SMIM36: variants seen among roughly 807,000 people sequenced by gnomAD.
SMIM36 encodes small integral membrane protein 36.
intron 4 of SMIM36, among the ~76,000 whole-genome samples, chr17:55,466,849 T>C (rs969602971): frequency 6.6e-6 from 1 of 152,252 alleles, no homozygotes; most frequent in Non-Finnish European, 1.5e-5. Flanking sequence ...CAAGTTCTTT[T>C]GCGTAAGTCC....
chr17:55,461,416 G>A (rs1909146611), intron 4 of SMIM36, among the ~76,000 whole-genome samples: 1 of 152,140 alleles, frequency 6.6e-6, no homozygotes, highest in African/African-American at 2.4e-5. Context: ...CCATTTACAG[G>A]ACATTCTGGA....
At chr17:55,481,725 A>C (rs1909524192) in intron 1 of SMIM36, among the ~76,000 whole-genome samples, 1 of 152,046 alleles carries the variant, frequency 6.6e-6, no homozygotes, top group East Asian at 1.9e-4. Flanking sequence ...ACAGGGTCTC[A>C]CTCTGTTGCC....
chr17:55,452,296 C>A (rs1348235981), intron 4 of SMIM36, among the ~76,000 whole-genome samples: 1 of 152,108 alleles, frequency 6.6e-6, no homozygotes, highest in Admixed American at 6.6e-5. Context: ...ACAGCTGAAT[C>A]CAGTTAAATC....
intron 1 of SMIM36, among the ~76,000 whole-genome samples, chr17:55,489,686 C>T (rs1260283440): frequency 6.6e-6 from 1 of 152,184 alleles, no homozygotes; most frequent in Non-Finnish European, 1.5e-5. Flanking sequence ...TTTGCAGGTG[C>T]ACGGCATTCC....
At chr17:55,526,612 G>C in the SMIM36 span, among the ~76,000 whole-genome samples, 12 of 152,230 alleles carry the variant, frequency 7.9e-5, no homozygotes, top group Non-Finnish European at 5.9e-5. Context: ...GTAAGTCTAA[G>C]ATTTATGGTC....
intron 1 of SMIM36, among the ~76,000 whole-genome samples, chr17:55,485,588 AG>A (rs1909590601): frequency 1.3e-5 from 2 of 152,152 alleles, no homozygotes; most frequent in Admixed American, 6.5e-5. Flanking sequence ...TGTGTCCAGC[AG>A]AAAAAAGCAT....
chr17:55,478,832 A>C lies in SMIM36; in HGVS notation c.*296-19T>G, dbSNP rs961756956. The C allele has an allele frequency of 6.6e-6, 1 of 152,156 alleles. No homozygotes were observed. The highest frequency in any genetic ancestry group is 2.4e-5 in the African/African-American group (1 of 41,446). The allele number at this position is 152,156 out of a possible 1,614,324, so 9.4% of individuals were successfully genotyped here. A position where few individuals can be genotyped will look rare whatever the true frequency, so the allele number is the denominator to read the frequency against. On this transcript the variant is annotated intron_variant, in intron 2 of 4. Coordinates refer to ENST00000636752, the Ensembl canonical transcript of SMIM36. The stretch of plus-strand genomic sequence containing the variant: ...CAGACACCTTGAGAGTTAAAAAAAA[A>C]CACTGGGTTAAATGTTCATTGGTGA...
At chr17:55,523,715 G>A in the SMIM36 span, among the ~76,000 whole-genome samples, 1 of 152,198 alleles carries the variant, frequency 6.6e-6, no homozygotes, top group Admixed American at 6.5e-5. Flanking sequence ...ATTTTGTTAT[G>A]GCAGTCTCGG....
chr17:55,460,702 A>T (rs1232379748), intron 4 of SMIM36, among the ~76,000 whole-genome samples: 2 of 149,302 alleles, frequency 1.3e-5, no homozygotes, highest in South Asian at 4.2e-4. Flanking sequence ...TAAAAAATAC[A>T]AAAAAATTAG....
At chr17:55,508,239 A>T (rs1038392573) in intron 1 of SMIM36, among the ~76,000 whole-genome samples, 1 of 151,840 alleles carries the variant, frequency 6.6e-6, no homozygotes, top group South Asian at 2.1e-4. Context: ...TTCCACAAGG[A>T]TACTCATTAA....
chr17:55,520,587 T>C, the SMIM36 span, among the ~76,000 whole-genome samples: 4 of 152,232 alleles, frequency 2.6e-5, no homozygotes, highest in African/African-American at 9.6e-5. Flanking sequence ...AGGTAGCATG[T>C]ACAGTGCGGA....
At chr17:55,501,967 G>A (rs1212283037) in intron 1 of SMIM36, among the ~76,000 whole-genome samples, 2 of 149,516 alleles carry the variant, frequency 1.3e-5, no homozygotes, top group Non-Finnish European at 3.0e-5. Context: ...GGTGACGGAC[G>A]CACCTGGAAA....
intron 1 of SMIM36, among the ~76,000 whole-genome samples, chr17:55,485,938 A>G (rs1347875731): frequency 6.6e-6 from 1 of 152,182 alleles, no homozygotes; most frequent in African/African-American, 2.4e-5. Context: ...GCTTAATGTT[A>G]ATTTCCAAGA....
intron 1 of SMIM36, among the ~76,000 whole-genome samples, chr17:55,489,860 G>GC (rs1555621700): frequency 1.8e-5 from 1 of 54,124 alleles, no homozygotes; most frequent in East Asian, 2.4e-4. Context: ...GTTTTTTTTT[G>GC]TTTTTTTTTA....
At chr17:55,453,956 G>T (rs745878358) in intron 4 of SMIM36, 1 of 152,168 alleles carries the variant, frequency 6.6e-6, no homozygotes, top group Non-Finnish European at 1.5e-5. Context: ...TTGCAGTCTG[G>T]TCTGACTCCA....
rs570486784 is a variant in SMIM36 at position 55,509,346 on chromosome 17, C to A, written c.*174+1533G>T. ...TTTGTTATTTCTTCTTCTAAAAGGC[C>A]ATCTCCTGTCCTACCCTTCAAGATT... On this transcript the variant is annotated intron_variant, in intron 1 of 4. Transcript: ENST00000636752. Among the ~76,000 whole-genome samples, 4 of 152,302 alleles carry A rather than the reference C, an allele frequency of 2.6e-5. No homozygotes were observed. In the South Asian group the frequency reaches 8.3e-4, roughly 32 times the overall value.
chr17:55,461,944 C>G (rs1909154796), intron 4 of SMIM36, among the ~76,000 whole-genome samples: 1 of 152,162 alleles, frequency 6.6e-6, no homozygotes, highest in African/African-American at 2.4e-5. Flanking sequence ...CATTAGGGAT[C>G]CACTGAGCCA....
At chr17:55,475,770 T>C (rs1326515761) in intron 3 of SMIM36, among the ~76,000 whole-genome samples, 2 of 152,292 alleles carry the variant, frequency 1.3e-5, no homozygotes, top group Admixed American at 6.5e-5. Flanking sequence ...TTCCTCCCTC[T>C]CTTATTTGGA....
chr17:55,476,165 C>A (rs1209349227), intron 3 of SMIM36, among the ~76,000 whole-genome samples: 1 of 152,182 alleles, frequency 6.6e-6, no homozygotes, highest in African/African-American at 2.4e-5. Context: ...AGTGAAGAAT[C>A]ACAAAAGAAG....
Sources: gnomAD v4.1 joint callset for allele counts (sites outside exome capture counted in the v4.1 genomes callset) on GRCh38, gnomAD v4.1.1 for gene constraint, MANE v1.5 for transcripts, NCBI Gene and HGNC (gene_info 2026-07-23, HGNC 2026-07-21) for gene names.